The following TRIO variants were observed in gnomAD, a reference collection of about 807,000 sequenced individuals.
TRIO encodes triple functional domain protein.
Under a neutral mutation model 351.9 loss-of-function variants are expected in TRIO, and 58 were observed. That is an observed-to-expected ratio of 0.16 (90% CI 0.13 to 0.21). The LOEUF (loss-of-function observed/expected upper bound fraction) is 0.21. Among genes scored for constraint, TRIO ranks in the 10% least tolerant of loss-of-function variants. The pLI is 1.00. For synonymous variants in TRIO, 1,758 were observed against 1,595.7 expected, an observed-to-expected ratio of 1.10 and a Z score of -2.42; for missense variants, 3,201 against 4,027.8, an observed-to-expected ratio of 0.79 and a Z score of 5.56.
chr5:14,323,122 A>G (rs887384098), intron 9 of TRIO, among the ~76,000 whole-genome samples: 6 of 152,160 alleles, frequency 3.9e-5, no homozygotes. Context: ...CTTCAATGTC[A>G]GTCCGTGGTG....
At chr5:14,171,676 T>C (rs979762521) in intron 1 of TRIO, among the ~76,000 whole-genome samples, 1 of 152,234 alleles carries the variant, frequency 6.6e-6, no homozygotes, top group Non-Finnish European at 1.5e-5. Flanking sequence ...GAAACTGGAC[T>C]GTGTTTAAGG....
At position 14,430,694 on chromosome 5, in the gene TRIO, A is replaced by ATTTTG. The variant is rs544370403; in HGVS notation, c.5203+10677_5203+10678insGTTTT. 6.7e-4 allele frequency among the ~76,000 whole-genome samples: 88 copies of ATTTTG among 130,978 alleles called. 1 individual carries two copies. The South Asian group carries it at 9.9e-3, about 15-fold the overall frequency. 85.9% of individuals were successfully genotyped at this position (130,978 alleles called of 152,430 possible). A position where few individuals can be genotyped will look rare whatever the true frequency, so the allele number is the denominator to read the frequency against. On this transcript the variant is annotated intron_variant, in intron 34 of 56. Coordinates refer to ENST00000344204, the MANE Select transcript of TRIO (RefSeq NM_007118.4). ...TTCACAGTGAATTTCGTTTTATTTTATTTTATTTTATTTTATTTTATTTTA... is the reference window on the plus strand; with the variant it reads ...TTCACAGTGAATTTCGTTTTATTTTATTTTGTTTTATTTTATTTTATTTTATTTTA...
chr5:14,208,772 G>A (rs1015486150), intron 1 of TRIO, among the ~76,000 whole-genome samples: 6 of 152,220 alleles, frequency 3.9e-5, no homozygotes, highest in African/African-American at 1.4e-4. Context: ...GGCAAAGGCT[G>A]AGCTTTAACC....
At chr5:14,425,781 G>A (rs1750590877) in intron 34 of TRIO, among the ~76,000 whole-genome samples, 1 of 152,172 alleles carries the variant, frequency 6.6e-6, no homozygotes, top group South Asian at 2.1e-4. Context: ...CGCCATGTGA[G>A]GGCACAGAAG....
chr5:14,458,967 A>G (rs1579716735), intron 34 of TRIO, among the ~76,000 whole-genome samples: 1 of 152,336 alleles, frequency 6.6e-6, no homozygotes, highest in South Asian at 2.1e-4. Flanking sequence ...ATGAGAAAAT[A>G]TATATACATA....
intron 1 of TRIO, among the ~76,000 whole-genome samples, chr5:14,238,381 G>GC (rs1375985154): frequency 6.6e-6 from 1 of 152,096 alleles, no homozygotes; most frequent in Non-Finnish European, 1.5e-5. Flanking sequence ...TTTCCCTCCT[G>GC]CATGGTATGG....
chr5:14,178,416 A>G (rs1382617731), intron 1 of TRIO, among the ~76,000 whole-genome samples: 2 of 152,230 alleles, frequency 1.3e-5, no homozygotes, highest in African/African-American at 4.8e-5. Context: ...TATGGTGTGG[A>G]TAAAAAGCCT....
intron 1 of TRIO, among the ~76,000 whole-genome samples, chr5:14,182,976 C>T (rs1040225510): frequency 5.3e-5 from 8 of 152,134 alleles, no homozygotes; most frequent in African/African-American, 1.9e-4. Context: ...TTTGTGCTCC[C>T]TTTCCTCTGA....
At chr5:14,287,329 A>C (rs1736537103) in intron 4 of TRIO, among the ~76,000 whole-genome samples, 1 of 152,170 alleles carries the variant, frequency 6.6e-6, no homozygotes, top group South Asian at 2.1e-4. Flanking sequence ...CTTGGCAGAG[A>C]AGCTTGCTGG....
chr5:14,335,460 G>A lies in TRIO; in HGVS notation c.1855-1076G>A, dbSNP rs114550679. On this transcript the variant is annotated intron_variant, in intron 10 of 56. Coordinates refer to ENST00000344204, the MANE Select transcript of TRIO (RefSeq NM_007118.4). Reference sequence around the variant, plus strand: ...GTCCTGGCATCCCCCAGCGTCTCCCGGGGCTCCCCTCCCACCTGTGGACCC... The same window carrying A: ...GTCCTGGCATCCCCCAGCGTCTCCCAGGGCTCCCCTCCCACCTGTGGACCC... Among the ~76,000 whole-genome samples the A allele has an allele frequency of 1.6e-3, 249 of 152,194 alleles. 3 individuals are homozygous for A. The highest frequency in any genetic ancestry group is 5.1e-3 in the African/African-American group (213 of 41,518).
intron 41 of TRIO, chr5:14,477,171 A>G (rs944134878): frequency 5.6e-6 from 3 of 533,808 alleles, no homozygotes; most frequent in South Asian, 4.9e-5. Flanking sequence ...GAAGCTGGCT[A>G]TTTGGCTAGC....
intron 3 of TRIO, among the ~76,000 whole-genome samples, chr5:14,282,436 A>G (rs1736083943): frequency 1.3e-5 from 2 of 152,222 alleles, no homozygotes; most frequent in Admixed American, 1.3e-4. Context: ...TGAATACTAT[A>G]TAGTGGTAAC....
chr5:14,415,998 C>T (rs1162364959), intron 33 of TRIO, among the ~76,000 whole-genome samples: 2 of 151,640 alleles, frequency 1.3e-5, no homozygotes, highest in African/African-American at 4.9e-5. Flanking sequence ...AAATTCAATG[C>T]ATGAGGTGGG....
chr5:14,266,169 C>T (rs978493410), intron 1 of TRIO, among the ~76,000 whole-genome samples: 5 of 152,094 alleles, frequency 3.3e-5, no homozygotes, highest in African/African-American at 1.2e-4. Context: ...AGTGATTCTT[C>T]TTTCTCAGCC....
At position 14,304,564 on chromosome 5, in the gene TRIO, A is replaced by G; in HGVS notation, c.1472A>G (p.Tyr491Cys). ...EDAIHHHQGI[Y>C]EHITLAYSEV... ...GCCATTCATCACCACCAGGGAATAT[A>G]TGAACATATCACTCTTGCTTATTCT... Residue 491 changes from tyrosine (Y) to cysteine (C), a missense_variant, in exon 8 of 57, where the codon TAT (tyrosine) becomes TGT (cysteine). This residue lies in a region of TRIO where 349 missense variants were observed against 449.3 expected (regional missense o/e 0.78). Transcript: ENST00000344204. 3.7e-6 allele frequency: 6 copies of G among 1,614,052 alleles called. No individual in the cohort carries two copies. The highest frequency in any genetic ancestry group is 5.1e-6 in the Non-Finnish European group (6 of 1,179,998).
Position 14,485,102 on chromosome 5 carries a change from A to T in TRIO, c.6691A>T (p.Asn2231Tyr). The T allele has an allele frequency of 6.4e-7, 1 of 1,555,306 alleles. No individual in the cohort carries two copies. Among genetic ancestry groups the T allele is most frequent in the Non-Finnish European group, 8.7e-7 (1 of 1,142,970 alleles). Residue 2231 changes from asparagine (N) to tyrosine (Y), a missense_variant, in exon 47 of 57, where the codon AAT becomes TAT. This residue lies in a region of TRIO where 1,089 missense variants were observed against 954.9 expected (regional missense o/e 1.14). Coordinates refer to ENST00000344204, the MANE Select transcript of TRIO (RefSeq NM_007118.4). The part of the protein sequence containing the change: ...SCLCLEENVE[N>Y]DPCKFALTSR... Reference sequence around the variant, plus strand: ...CCTTTGCCTGGAGGAAAATGTGGAAAATGATCCCTGTAAATTTGCTCTGAC... The same window carrying T: ...CCTTTGCCTGGAGGAAAATGTGGAATATGATCCCTGTAAATTTGCTCTGAC...
intron 11 of TRIO, among the ~76,000 whole-genome samples, chr5:14,350,083 T>C (rs761731487): frequency 6.6e-6 from 1 of 152,180 alleles, no homozygotes; most frequent in African/African-American, 2.4e-5. Context: ...CATAGTATAC[T>C]CTGAAAGGGG....
intron 1 of TRIO, among the ~76,000 whole-genome samples, chr5:14,206,682 G>T (rs1466106335): frequency 6.6e-6 from 1 of 152,182 alleles, no homozygotes; most frequent in African/African-American, 2.4e-5. Context: ...TATGACTGAA[G>T]TACATATTCG....
Position 14,492,559 on chromosome 5 carries a change from C to T in TRIO, c.7633-8C>T, listed in dbSNP as rs367873265. 14 of 1,613,704 alleles carry T rather than the reference C, an allele frequency of 8.7e-6. No individual in the cohort carries two copies. In the African/African-American group the frequency reaches 1.9e-4, roughly 22 times the overall value. ...TGCCTTTCTCTGTCTTCATCTGTCCCTCTGCAGAGTGAAAGCAGCAGCAGT... is the reference window on the plus strand; with the variant it reads ...TGCCTTTCTCTGTCTTCATCTGTCCTTCTGCAGAGTGAAAGCAGCAGCAGT... On this transcript the variant is annotated splice_region_variant and splice_polypyrimidine_tract_variant and intron_variant, in intron 48 of 56. Coordinates refer to ENST00000344204, the MANE Select transcript of TRIO (RefSeq NM_007118.4).
Sources: gnomAD v4.1 joint callset for allele counts (sites outside exome capture counted in the v4.1 genomes callset) on GRCh38, gnomAD v4.1.1 for gene constraint, gnomAD v4.1.1 regional missense constraint, MANE v1.5 for transcripts, NCBI Gene and HGNC (gene_info 2026-07-23, HGNC 2026-07-21) for gene names.